The following ALOX5AP variants were observed in gnomAD, a reference collection of about 807,000 sequenced individuals.
ALOX5AP encodes arachidonate 5-lipoxygenase activating protein, also known as arachidonate 5-lipoxygenase-activating protein.
A neutral mutation model predicts 18.5 loss-of-function variants in ALOX5AP; 9 were observed. The ratio of observed to expected loss-of-function variants is 0.49; its 90% CI spans 0.29 to 0.85. ALOX5AP has a LOEUF of 0.85. ALOX5AP is among the 40% of genes least tolerant of loss of function. ALOX5AP has a pLI of 0.08. For missense variants in ALOX5AP, 172 were observed against 202.5 expected (o/e 0.85, Z 0.91); for synonymous variants, 81 against 78.6 (o/e 1.03, Z -0.16).
At chr13:30,723,838 G>A (rs369672296) in intron 1 of ALOX5AP, among the ~76,000 whole-genome samples, 2 of 152,110 alleles carry the variant, frequency 1.3e-5, no homozygotes, top group African/African-American at 4.8e-5. Context: ...GTGCTCAAGC[G>A]ATCCTCCAAA....
Position 30,750,040 on chromosome 13 carries a change from C to T in ALOX5AP, c.171-2012C>T, listed in dbSNP as rs1256103517. On this transcript the variant is annotated intron_variant, in intron 2 of 4. Transcript: ENST00000380490. ...GTTCTCAAACGTCAGCAGGCATCAG[C>T]ATCACATGGAGGGCTTGTTAAAACA... Among the ~76,000 whole-genome samples, 4 of 152,144 alleles carry T rather than the reference C, an allele frequency of 2.6e-5. No homozygotes were observed. The East Asian group carries it at 7.7e-4, about 29-fold the overall frequency.
In ALOX5AP at chr13:30,748,198, C is replaced by T. The variant is rs779156507; in HGVS notation, c.171-3854C>T. On this transcript the variant is annotated intron_variant, in intron 2 of 4. Transcript: ENST00000380490. ...CCTCCCAGAGTGCTCAGATTACAGACGTGAGCCACTGGTGCCTGGCCTAGA... is the reference window on the plus strand; with the variant it reads ...CCTCCCAGAGTGCTCAGATTACAGATGTGAGCCACTGGTGCCTGGCCTAGA... Among the ~76,000 whole-genome samples, 4 of 152,082 alleles carry T rather than the reference C, an allele frequency of 2.6e-5. No individual in the cohort carries two copies. The East Asian group carries it at 5.8e-4, about 22-fold the overall frequency.
intron 1 of ALOX5AP, among the ~76,000 whole-genome samples, chr13:30,719,546 G>T (rs1951577379): frequency 6.6e-6 from 1 of 152,156 alleles, no homozygotes; most frequent in South Asian, 2.1e-4. Flanking sequence ...ATAGATTTCA[G>T]AGAACTAAGC....
chr13:30,716,657 C>A (rs1054479061), intron 1 of ALOX5AP, among the ~76,000 whole-genome samples: 2 of 152,156 alleles, frequency 1.3e-5, no homozygotes, highest in African/African-American at 2.4e-5. Context: ...GCCTGTGAAC[C>A]TTTAGCCAAC....
intron 1 of ALOX5AP, among the ~76,000 whole-genome samples, chr13:30,726,358 A>G (rs982509429): frequency 2.0e-5 from 3 of 152,244 alleles, no homozygotes; most frequent in Non-Finnish European, 2.9e-5. Flanking sequence ...AGTGACACCA[A>G]CCTAGTACAC....
At chr13:30,724,760 C>T (rs1951626217) in intron 1 of ALOX5AP, among the ~76,000 whole-genome samples, 1 of 152,128 alleles carries the variant, frequency 6.6e-6, no homozygotes, top group Non-Finnish European at 1.5e-5. Context: ...TCATTTGATC[C>T]AAGGCAGAAA....
intron 4 of ALOX5AP, 108 bp downstream of exon 4, chr13:30,756,133 C>T: frequency 2.8e-6 from 3 of 1,070,232 alleles, no homozygotes; most frequent in Non-Finnish European, 4.2e-6. Context: ...CCGTAGCATC[C>T]CCTTGGGTGG....
At chr13:30,758,941 T>C (rs1018816879) in intron 4 of ALOX5AP, among the ~76,000 whole-genome samples, 17 of 152,026 alleles carry the variant, frequency 1.1e-4, no homozygotes, top group African/African-American at 3.9e-4. Context: ...CCTCAGCCTC[T>C]TGAGTAGCTG....
At chr13:30,752,256 C>A in intron 3 of ALOX5AP, 134 bp downstream of exon 3, 1 of 843,698 alleles carries the variant, frequency 1.2e-6, no homozygotes, top group Non-Finnish European at 1.9e-6. Context: ...GAGGTGAGAG[C>A]CCTCGGGAGG....
rs201476307 is a variant in ALOX5AP at position 30,764,214 on chromosome 13, T to C, written c.*108T>C. The C allele has an allele frequency of 2.0e-5, 26 of 1,269,684 alleles. No homozygotes were observed. The highest frequency in any genetic ancestry group is 2.7e-5 in the Non-Finnish European group (25 of 929,302). The allele number at this position is 1,269,684 out of a possible 1,614,324, so 78.7% of individuals were successfully genotyped here. ...TCTTCTTTAGATGGCTGTAAATCTATTGGCCATCTGGGCTTCACAGCTTGA... is the reference window on the plus strand; with the variant it reads ...TCTTCTTTAGATGGCTGTAAATCTACTGGCCATCTGGGCTTCACAGCTTGA... On this transcript the variant is annotated 3_prime_UTR_variant, in exon 5 of 5. Coordinates refer to ENST00000380490, the MANE Select transcript of ALOX5AP (RefSeq NM_001629.4).
chr13:30,736,781 T>A (rs1449476629), intron 1 of ALOX5AP, among the ~76,000 whole-genome samples: 1 of 152,220 alleles, frequency 6.6e-6, no homozygotes, highest in Non-Finnish European at 1.5e-5. Flanking sequence ...CAAACATTTT[T>A]ATACTAAATT....
upstream of ALOX5AP, among the ~76,000 whole-genome samples, chr13:30,731,815 A>G (rs1194764906): frequency 1.3e-5 from 2 of 152,232 alleles, no homozygotes; most frequent in African/African-American, 4.8e-5. Flanking sequence ...CCCACGACAC[A>G]GCCGCTCAGC....
intron 1 of ALOX5AP, among the ~76,000 whole-genome samples, chr13:30,725,378 C>T (rs1423708411): frequency 1.3e-5 from 2 of 152,252 alleles, no homozygotes; most frequent in Non-Finnish European, 2.9e-5. Context: ...ATGATTCATT[C>T]TGACAGCATC....
At chr13:30,722,632 A>T (rs182724399) in intron 1 of ALOX5AP, among the ~76,000 whole-genome samples, 2 of 152,306 alleles carry the variant, frequency 1.3e-5, no homozygotes, top group African/African-American at 4.8e-5. Flanking sequence ...GGGCCCATAA[A>T]ACTGTATCTG....
At position 30,744,043 on chromosome 13, in the gene ALOX5AP, AC is replaced by A. The variant is rs1951788414; in HGVS notation, c.71-15del. 1 of 1,609,874 alleles carries A rather than the reference AC, an allele frequency of 6.2e-7. No individual in the cohort carries two copies. Among genetic ancestry groups the A allele is most frequent in the Non-Finnish European group, 8.5e-7 (1 of 1,176,326 alleles). ...CATGCCCACAATGAACCAGATGCAAACCTTTTCCCTTGGCAGGATTCTTTGC... is the reference window on the plus strand; with the variant it reads ...CATGCCCACAATGAACCAGATGCAAACTTTTCCCTTGGCAGGATTCTTTGC... On this transcript the variant is annotated splice_polypyrimidine_tract_variant and intron_variant, in intron 1 of 4. Coordinates refer to ENST00000380490, the MANE Select transcript of ALOX5AP (RefSeq NM_001629.4).
In ALOX5AP at chr13:30,716,922, G is replaced by A. The variant is rs778289249; in HGVS notation, c.116+3081G>A. Among the ~76,000 whole-genome samples the A allele has an allele frequency of 5.3e-5, 8 of 152,364 alleles. No individual in the cohort carries two copies. The East Asian group carries it at 5.8e-4, about 11-fold the overall frequency. ...CATGGAGCCCCTACGGTCCTCTCCC[G>A]TGGAGTCACGGACAGCGCCACTCTC... On this transcript the variant is annotated intron_variant, in intron 1 of 5. Transcript: ENST00000617770.
chr13:30,745,957 A>C (rs920224936), intron 2 of ALOX5AP, among the ~76,000 whole-genome samples: 1 of 152,258 alleles, frequency 6.6e-6, no homozygotes, highest in Admixed American at 6.5e-5. Context: ...TGGAGAAGTT[A>C]TGGTGCAATT....
At chr13:30,746,276 C>T (rs544789580) in intron 2 of ALOX5AP, among the ~76,000 whole-genome samples, 8 of 152,318 alleles carry the variant, frequency 5.3e-5, no homozygotes, top group South Asian at 4.1e-4. Flanking sequence ...GCATCCCCAC[C>T]GTGTGGGTGC....
intron 1 of ALOX5AP, among the ~76,000 whole-genome samples, chr13:30,715,621 C>A (rs1566076978): frequency 1.3e-5 from 2 of 152,150 alleles, no homozygotes; most frequent in Non-Finnish European, 1.5e-5. Context: ...AGGAAATGGC[C>A]CCAGCTGCCT....
Sources: allele counts gnomAD v4.1 joint callset (sites outside exome capture counted in the v4.1 genomes callset), GRCh38; gene constraint gnomAD v4.1.1; transcripts MANE v1.5; gene names NCBI Gene and HGNC (gene_info 2026-07-23, HGNC 2026-07-21).